Variants in GOLGA4 observed in about 807,000 individuals in gnomAD.
The protein encoded by GOLGA4 is golgin subfamily A member 4.
A neutral mutation model predicts 265.9 loss-of-function variants in GOLGA4; 169 were observed. The observed-to-expected ratio is 0.64, with a 90% CI of 0.56 to 0.72. The LOEUF is 0.72. GOLGA4 is among the 30% of genes least tolerant of loss of function. GOLGA4 has a pLI of 0.00. For missense variants in GOLGA4, 2,482 were observed against 2,483.4 expected, an observed-to-expected ratio of 1.00 and a Z score of 0.01; for synonymous variants, 923 against 855.8, an observed-to-expected ratio of 1.08 and a Z score of -1.37.
intron 2 of GOLGA4, among the ~76,000 whole-genome samples, chr3:37,274,039 G>T (rs1002560684): frequency 2.7e-5 from 4 of 149,208 alleles, no homozygotes; most frequent in African/African-American, 9.9e-5. Context: ...GGCATACGTT[G>T]TCATGAGCTG....
intron 10 of GOLGA4, among the ~76,000 whole-genome samples, chr3:37,310,734 T>TG (rs940747604): frequency 6.6e-6 from 1 of 150,994 alleles, no homozygotes; most frequent in African/African-American, 2.4e-5. Flanking sequence ...TGTGTGTGTG[T>TG]GTTTTTTTTT....
chr3:37,270,820 G>T (rs151145069), intron 2 of GOLGA4, among the ~76,000 whole-genome samples: 2 of 152,010 alleles, frequency 1.3e-5, no homozygotes, highest in African/African-American at 2.4e-5. Flanking sequence ...TGATTCGAGC[G>T]CATTACATTT....
chr3:37,289,184 A>G (rs2096858331), intron 4 of GOLGA4, 51 bp from the exon 5 acceptor site: 3 of 926,472 alleles, frequency 3.2e-6, no homozygotes, highest in East Asian at 2.5e-5. Context: ...TGTATTTACT[A>G]TGTCATACAG....
rs1175060648 is a variant in GOLGA4 at position 37,326,066 on chromosome 3, G to T, written c.4180G>T (p.Ala1394Ser). 1.2e-6 allele frequency: 2 copies of T among 1,613,174 alleles called. No individual in the cohort carries two copies. Among genetic ancestry groups the T allele is most frequent in the African/African-American group, 2.7e-5 (2 of 74,916 alleles). Reference protein sequence around the residue: ...QNSISLSEKEAAISSLRKQYD... With the variant: ...QNSISLSEKESAISSLRKQYD... ...TAGCATCAGCCTATCCGAAAAAGAA[G>T]CAGCCATTTCATCACTAAGAAAGCA... The change falls in exon 14 of 24, where the codon GCA (alanine) becomes TCA (serine). Residue 1394 changes from alanine to serine, a missense_variant. Physicochemically the swap from Ala to Ser is moderately conservative, Grantham distance 99. Transcript: ENST00000361924.
chr3:37,325,227 A>G lies in GOLGA4; in HGVS notation c.3341A>G (p.Gln1114Arg). ...ACAACATTAAATGAATTACAGGAAC[A>G]GTTAAAGCAGAAGTCTGCCCATGTG... ...QDTTLNELQEQLKQKSAHVNS... is the reference protein window; with the variant it reads ...QDTTLNELQERLKQKSAHVNS... Residue 1114 changes from glutamine to arginine, a missense_variant, in exon 14 of 24, where the codon CAG (glutamine) becomes CGG (arginine). By Grantham distance (43) the Gln-to-Arg change is conservative. This residue lies in a region of GOLGA4 where 1,536 missense variants were observed against 1,483.7 expected (regional missense o/e 1.04). Transcript: ENST00000361924. The G allele has an allele frequency of 1.9e-6, 3 of 1,612,830 alleles. No homozygotes were observed. The highest frequency in any genetic ancestry group is 2.5e-6 in the Non-Finnish European group (3 of 1,179,136).
chr3:37,269,802 T>C (rs2096793183), intron 2 of GOLGA4, among the ~76,000 whole-genome samples: 1 of 151,960 alleles, frequency 6.6e-6, no homozygotes, highest in South Asian at 2.1e-4. Context: ...GTACATAAAT[T>C]GAAATATATA....
rs753584478 is a variant in GOLGA4 at position 37,327,269 on chromosome 3, G to A, written c.5383G>A (p.Gly1795Ser). The A allele has an allele frequency of 6.2e-7, 1 of 1,613,504 alleles. No individual in the cohort carries two copies. Among genetic ancestry groups the A allele is most frequent in the East Asian group, 2.2e-5 (1 of 44,866 alleles). Residue 1795 changes from glycine to serine, a missense_variant, in exon 14 of 24, where the codon GGT becomes AGT. This residue lies in a region of GOLGA4 where 942 missense variants were observed against 983.1 expected (regional missense o/e 0.96). Coordinates refer to ENST00000361924, the MANE Select transcript of GOLGA4 (RefSeq NM_002078.5). ...AKQHEDQSMIGHLQEELEEKN... is the reference protein window; with the variant it reads ...AKQHEDQSMISHLQEELEEKN... ...GCAACATGAAGATCAAAGTATGATA[G>A]GTCATCTTCAAGAGGAGCTTGAAGA...
At chr3:37,299,546 T>C (rs1024100045) in intron 9 of GOLGA4, among the ~76,000 whole-genome samples, 175 bp downstream of exon 9, 1 of 152,252 alleles carries the variant, frequency 6.6e-6, no homozygotes, top group East Asian at 1.9e-4. Flanking sequence ...TTTTGTGTCA[T>C]GTAAAACTGA....
intron 10 of GOLGA4, among the ~76,000 whole-genome samples, chr3:37,309,073 GA>G (rs1197089169): frequency 1.1e-4 from 16 of 149,822 alleles, no homozygotes; most frequent in East Asian, 2.0e-4. Context: ...CCAACATGGT[GA>G]AACCCTGTCT....
chr3:37,269,323 A>G (rs891687286), intron 2 of GOLGA4, among the ~76,000 whole-genome samples: 1 of 152,210 alleles, frequency 6.6e-6, no homozygotes, highest in Non-Finnish European at 1.5e-5. Flanking sequence ...CAGGCAAAAT[A>G]TTAGGTCATG....
At chr3:37,303,711 T>C (rs1216654841) in intron 10 of GOLGA4, among the ~76,000 whole-genome samples, 2 of 152,164 alleles carry the variant, frequency 1.3e-5, no homozygotes, top group African/African-American at 4.8e-5. Context: ...AAAGATTAAG[T>C]TTTACAGTAG....
In GOLGA4 at chr3:37,298,967, G is replaced by A. The variant is rs759097433; in HGVS notation, c.949G>A (p.Glu317Lys). The change falls in exon 8 of 24, where the codon GAA (glutamate) becomes AAA (lysine). Residue 317 changes from glutamate to lysine, a missense_variant. This residue lies in a region of GOLGA4 where 1,536 missense variants were observed against 1,483.7 expected (regional missense o/e 1.04). Coordinates refer to ENST00000361924, the MANE Select transcript of GOLGA4 (RefSeq NM_002078.5). ...ATGTACACTATTAACTAGTGAAAAA[G>A]AAGCTCTGCAAGAACAACTGGATGA... ...EQCTLLTSEK[E>K]ALQEQLDERL... is the part of the protein sequence containing the mutation. 3 of 1,605,932 alleles carry A rather than the reference G, an allele frequency of 1.9e-6. No homozygotes were observed.
At position 37,319,156 on chromosome 3, in the gene GOLGA4, C is replaced by T. The variant is rs779004887; in HGVS notation, c.1507C>T (p.Arg503Ter). The change falls in exon 12 of 24, where the codon CGA (arginine) becomes TGA (stop). Residue 503 changes from arginine (R) to a stop codon, truncating the protein, a stop_gained. Coordinates refer to ENST00000361924, the MANE Select transcript of GOLGA4 (RefSeq NM_002078.5). LOFTEE classifies it high-confidence loss of function. ...EQELTKKLQT[R>*]EREFQEQMKV... ...GGAACTGACCAAGAAGCTTCAGACC[C>T]GAGAAAGGGAATTTCAGGAACAAAT... is the stretch of plus-strand genomic sequence containing the variant. 3.7e-6 allele frequency: 6 copies of T among 1,608,802 alleles called. No homozygotes were observed. The highest frequency in any genetic ancestry group is 1.1e-5 in the South Asian group (1 of 90,078).
intron 10 of GOLGA4, among the ~76,000 whole-genome samples, chr3:37,312,974 C>T (rs1291748364): frequency 3.3e-5 from 5 of 152,074 alleles, no homozygotes; most frequent in African/African-American, 7.2e-5. Flanking sequence ...GGGAGGCCAG[C>T]GCGACGGATC....
At chr3:37,317,779 G>A (rs947833018) in intron 11 of GOLGA4, among the ~76,000 whole-genome samples, 9 of 151,826 alleles carry the variant, frequency 5.9e-5, no homozygotes, top group African/African-American at 2.2e-4. Flanking sequence ...TTTTCTATTG[G>A]GCTGTTGGTC....
intron 2 of GOLGA4, among the ~76,000 whole-genome samples, chr3:37,255,241 A>T (rs567126487): frequency 6.6e-6 from 1 of 151,848 alleles, no homozygotes; most frequent in South Asian, 2.1e-4. Context: ...GCTCACTGCA[A>T]CCTCCACCTC....
intron 10 of GOLGA4, among the ~76,000 whole-genome samples, chr3:37,311,869 G>A (rs528623050): frequency 6.8e-4 from 104 of 152,226 alleles, no homozygotes; most frequent in Non-Finnish European, 1.2e-3. Context: ...AACTTAATTA[G>A]CAGAAAATTA....
At chr3:37,258,033 GTATATATACATACATA>G (rs1462769891) in intron 2 of GOLGA4, among the ~76,000 whole-genome samples, 2 of 86,854 alleles carry the variant, frequency 2.3e-5, no homozygotes, top group Non-Finnish European at 4.1e-5. Context: ...ATGTATATAT[GTATATATACATACATA>G]TATATATGTA....
chr3:37,298,784 G>A (rs751259509), intron 7 of GOLGA4, 49 bp from the exon 8 acceptor site: 19 of 1,334,052 alleles, frequency 1.4e-5, no homozygotes, highest in Non-Finnish European at 1.2e-5. Flanking sequence ...TCCAAAGGCA[G>A]TTTCATATTC....
Sources: allele counts gnomAD v4.1 joint callset (sites outside exome capture counted in the v4.1 genomes callset), GRCh38; gene constraint gnomAD v4.1.1; regional missense constraint gnomAD v4.1.1; transcripts MANE v1.5; gene names NCBI Gene and HGNC (gene_info 2026-07-23, HGNC 2026-07-21).